LCMT1: variants seen among roughly 807,000 people sequenced by gnomAD.
LCMT1 encodes the protein [Phosphatase 2A protein]-leucine-carboxy methyltransferase 1.
In LCMT1, 32 loss-of-function variants were observed where a neutral mutation model predicts 47.7. The ratio of observed to expected loss-of-function variants is 0.67; its 90% confidence interval spans 0.51 to 0.90. The LOEUF is 0.90. LCMT1 is among the 40% of genes least tolerant of loss of function. LCMT1 has a pLI of 0.00. For synonymous variants in LCMT1, 152 were observed against 149.7 expected, an observed-to-expected ratio of 1.02 and a Z score of -0.11; for missense variants, 375 against 415.2, an observed-to-expected ratio of 0.90 and a Z score of 0.84.
intron 5 of LCMT1, among the ~76,000 whole-genome samples, chr16:25,159,784 G>C (rs1028609963): frequency 6.6e-6 from 1 of 151,982 alleles, no homozygotes; most frequent in African/African-American, 2.4e-5. Context: ...AGCCTTTTCA[G>C]CTTTTTTGCT....
In LCMT1 at chr16:25,111,872, A is replaced by G. The variant is rs1488580362; in HGVS notation, c.-12A>G. 2 of 1,587,702 alleles carry G rather than the reference A, an allele frequency of 1.3e-6. No individual in the cohort carries two copies. The highest frequency in any genetic ancestry group is 2.2e-5 in the East Asian group (1 of 44,672). On this transcript the variant is annotated 5_prime_UTR_variant, in exon 1 of 11. Transcript: ENST00000399069. ...TCCCTGGCGGACACAGCTCCCAGGA[A>G]CCTCCACGCCCATGGCCACTAGGCA...
intron 2 of LCMT1, among the ~76,000 whole-genome samples, chr16:25,129,815 G>A (rs773578074): frequency 3.9e-5 from 6 of 152,156 alleles, no homozygotes; most frequent in South Asian, 2.1e-4. Flanking sequence ...TAGTTTTCAC[G>A]CCTCTTGTCT....
intron 10 of LCMT1, among the ~76,000 whole-genome samples, chr16:25,176,139 G>A (rs911597122): frequency 1.1e-4 from 17 of 152,136 alleles, no homozygotes; most frequent in African/African-American, 4.1e-4. Context: ...GTAGGGCCAC[G>A]GAGAACAGGC....
At chr16:25,175,072 A>T (rs1207010840) in intron 10 of LCMT1, 38 bp downstream of exon 10, 1 of 1,138,108 alleles carries the variant, frequency 8.8e-7, no homozygotes, top group African/African-American at 1.5e-5. Flanking sequence ...ACCTGGAAAT[A>T]GTGAACTTTT....
chr16:25,149,777 G>A (rs938624230), intron 4 of LCMT1, among the ~76,000 whole-genome samples: 7 of 152,088 alleles, frequency 4.6e-5, no homozygotes, highest in African/African-American at 1.7e-4. Flanking sequence ...AGCTAGGCAT[G>A]TTGGGTGCAT....
At chr16:25,125,636 C>G (rs1960147053) in intron 1 of LCMT1, among the ~76,000 whole-genome samples, 1 of 151,726 alleles carries the variant, frequency 6.6e-6, no homozygotes, top group Non-Finnish European at 1.5e-5. Context: ...AGTTTGAGAC[C>G]AGCTGCCCAA....
At chr16:25,112,685 C>T (rs1293488120) in intron 1 of LCMT1, among the ~76,000 whole-genome samples, 1 of 152,056 alleles carries the variant, frequency 6.6e-6, no homozygotes, top group African/African-American at 2.4e-5. Context: ...ACACCAAGAA[C>T]AAGACAGACA....
intron 5 of LCMT1, among the ~76,000 whole-genome samples, chr16:25,155,589 G>A (rs1006145029): frequency 3.9e-5 from 6 of 152,028 alleles, no homozygotes; most frequent in Admixed American, 3.9e-4. Flanking sequence ...TTACCTCCTT[G>A]CTTAAAACTC....
chr16:25,127,111 C>T (rs1193186107), intron 1 of LCMT1, among the ~76,000 whole-genome samples: 1 of 152,230 alleles, frequency 6.6e-6, no homozygotes, highest in Non-Finnish European at 1.5e-5. Context: ...CGCCTGTAAT[C>T]TCAGCACCTT....
At chr16:25,169,382 G>A (rs2141712396) in intron 8 of LCMT1, 169 bp downstream of exon 8, 1 of 550,064 alleles carries the variant, frequency 1.8e-6, no homozygotes, top group Non-Finnish European at 3.3e-6. Flanking sequence ...GGAAGACCAA[G>A]TCCTGCTTCA....
intron 5 of LCMT1, among the ~76,000 whole-genome samples, chr16:25,153,232 G>A (rs1225279925): frequency 6.6e-6 from 1 of 152,192 alleles, no homozygotes; most frequent in Non-Finnish European, 1.5e-5. Context: ...CTTCTTCTCA[G>A]CTTCTCAGTA....
chr16:25,121,157 GTGGC>G (rs1404284795), intron 1 of LCMT1, among the ~76,000 whole-genome samples: 2 of 151,978 alleles, frequency 1.3e-5, no homozygotes, highest in East Asian at 3.9e-4. Flanking sequence ...GCCAGGCGTG[GTGGC>G]TCACGCCTGT....
chr16:25,148,807 G>C (rs900564318), intron 4 of LCMT1: 1 of 152,188 alleles, frequency 6.6e-6, no homozygotes, highest in South Asian at 2.1e-4. Context: ...CTGCAGGGAG[G>C]GAAATTACTC....
chr16:25,164,420 A>G (rs1251796857), intron 6 of LCMT1, among the ~76,000 whole-genome samples, 178 bp from the exon 7 acceptor site: 2 of 152,128 alleles, frequency 1.3e-5, no homozygotes, highest in Non-Finnish European at 2.9e-5. Flanking sequence ...CACAGTAGAA[A>G]GCTCGGATTG....
intron 9 of LCMT1, among the ~76,000 whole-genome samples, chr16:25,171,415 AAAACAAAC>A (rs934518183): frequency 4.6e-5 from 7 of 152,080 alleles, no homozygotes; most frequent in Non-Finnish European, 8.8e-5. Flanking sequence ...GCTTCTCAAA[AAAACAAAC>A]AAACAAACAA....
intron 7 of LCMT1, among the ~76,000 whole-genome samples, chr16:25,167,879 G>A (rs1961632355): frequency 6.6e-6 from 1 of 152,006 alleles, no homozygotes; most frequent in Non-Finnish European, 1.5e-5. Context: ...TCCTGCCTCA[G>A]CCTCCTGAGT....
intron 1 of LCMT1, 111 bp from the exon 2 acceptor site, chr16:25,128,364 A>G: frequency 2.9e-6 from 2 of 693,834 alleles, no homozygotes; most frequent in Non-Finnish European, 2.4e-6. Context: ...TTTGAGGTGG[A>G]TGGTTGGTTT....
chr16:25,151,830 A>G (rs1451994617), intron 5 of LCMT1, among the ~76,000 whole-genome samples: 4 of 152,084 alleles, frequency 2.6e-5, no homozygotes, highest in Non-Finnish European at 4.4e-5. Context: ...CCATTCTAAC[A>G]GGCTGGGAAG....
At chr16:25,153,764 C>CT (rs1391824359) in intron 5 of LCMT1, among the ~76,000 whole-genome samples, 1 of 151,848 alleles carries the variant, frequency 6.6e-6, no homozygotes, top group Non-Finnish European at 1.5e-5. Context: ...ACCAGCCTGG[C>CT]CAACATGATG....
Sources: allele counts gnomAD v4.1 joint callset (sites outside exome capture counted in the v4.1 genomes callset), GRCh38; gene constraint gnomAD v4.1.1; transcripts MANE v1.5; gene names NCBI Gene and HGNC (gene_info 2026-07-23, HGNC 2026-07-21).